Variants in AGBL1 observed in about 807,000 individuals in gnomAD.
AGBL1 encodes the protein cytosolic carboxypeptidase 4.
In AGBL1, 130 loss-of-function variants were observed where a neutral mutation model predicts 118.9. The observed-to-expected ratio is 1.09, with a 90% CI of 0.95 to 1.26. The LOEUF is 1.26. AGBL1 is among the 50% of genes most tolerant of loss of function. AGBL1 has a pLI of 0.00. For synonymous variants in AGBL1, 555 were observed against 478.9 expected (o/e 1.16, Z -2.08); for missense variants, 1,584 against 1,298.1 (o/e 1.22, Z -3.38).
At chr15:86,110,550 G>A (rs549289945) in intron 1 of AGBL1, among the ~76,000 whole-genome samples, 11 of 152,194 alleles carry the variant, frequency 7.2e-5, no homozygotes, top group African/African-American at 2.2e-4. Context: ...CTGTCTCAGG[G>A]GTGGCAGAGG....
At chr15:86,315,457 T>A (rs987795582) in intron 17 of AGBL1, among the ~76,000 whole-genome samples, 1 of 152,064 alleles carries the variant, frequency 6.6e-6, no homozygotes, top group African/African-American at 2.4e-5. Flanking sequence ...TGGCTCACAC[T>A]GGTAATCCCA....
intron 17 of AGBL1, among the ~76,000 whole-genome samples, chr15:86,364,990 C>T (rs866842499): frequency 0.12 from 7,633 of 63,330 alleles, 620 homozygotes; most frequent in Non-Finnish European, 0.17. Context: ...TATATATATA[C>T]ACACACACAT....
At chr15:86,360,987 C>T (rs1210219987) in intron 17 of AGBL1, among the ~76,000 whole-genome samples, 1 of 151,550 alleles carries the variant, frequency 6.6e-6, no homozygotes, top group African/African-American at 2.4e-5. Context: ...TATTTCTGCT[C>T]TAATATTTAT....
intron 24 of AGBL1, among the ~76,000 whole-genome samples, chr15:87,024,267 A>ATAAG (rs1195803612): frequency 2.6e-5 from 4 of 152,152 alleles, no homozygotes; most frequent in African/African-American, 9.6e-5. Context: ...GAAAATCCAA[A>ATAAG]TAAGTTCAAT....
intron 22 of AGBL1, among the ~76,000 whole-genome samples, chr15:86,798,691 A>G (rs1223291020): frequency 6.6e-6 from 1 of 150,500 alleles, no homozygotes; most frequent in Non-Finnish European, 1.5e-5. Flanking sequence ...TCCTGTTAAT[A>G]CTACATACAT....
At chr15:86,604,222 A>G (rs1283897554) in intron 21 of AGBL1, among the ~76,000 whole-genome samples, 1 of 152,204 alleles carries the variant, frequency 6.6e-6, no homozygotes, top group East Asian at 1.9e-4. Flanking sequence ...AAGTTGTAAT[A>G]TGAAATTGTA....
chr15:86,536,212 TA>T (rs2083424112), intron 19 of AGBL1, among the ~76,000 whole-genome samples: 2 of 152,350 alleles, frequency 1.3e-5, no homozygotes, highest in Admixed American at 6.5e-5. Context: ...AGTTTCTTGA[TA>T]AATTTTAGTG....
chr15:86,753,570 G>C (rs572623820), intron 22 of AGBL1, among the ~76,000 whole-genome samples: 3 of 151,856 alleles, frequency 2.0e-5, no homozygotes, highest in Admixed American at 1.3e-4. Flanking sequence ...GCTAATTTTT[G>C]TATTTTTAGT....
chr15:86,905,651 T>C (rs1268884781), intron 22 of AGBL1, among the ~76,000 whole-genome samples: 1 of 152,254 alleles, frequency 6.6e-6, no homozygotes, highest in Admixed American at 6.5e-5. Flanking sequence ...ATTGAGGTAT[T>C]ATTATTGACA....
intron 18 of AGBL1, among the ~76,000 whole-genome samples, chr15:86,411,345 C>G (rs551072816): frequency 6.6e-5 from 10 of 152,214 alleles, no homozygotes; most frequent in African/African-American, 2.4e-4. Flanking sequence ...CTATCAGGAA[C>G]CAGAAGGAAT....
chr15:86,727,303 G>A (rs16977941), intron 22 of AGBL1, among the ~76,000 whole-genome samples: 28,332 of 152,070 alleles, frequency 0.19, 2,993 homozygotes, highest in African/African-American at 0.29. Flanking sequence ...CCAGGAGACT[G>A]GCTAAATGTG....
chr15:86,569,412 G>GA (rs11389548), intron 21 of AGBL1, among the ~76,000 whole-genome samples: 71,296 of 142,714 alleles, frequency 0.5, 18,005 homozygotes, highest in East Asian at 0.76. Context: ...AGAAAACAAG[G>GA]AAAAAAAAAA....
At chr15:86,421,034 CT>C (rs2081781952) in intron 18 of AGBL1, among the ~76,000 whole-genome samples, 1 of 152,206 alleles carries the variant, frequency 6.6e-6, no homozygotes, top group African/African-American at 2.4e-5. Context: ...GGAAAACACT[CT>C]TCAGGATATT....
chr15:86,923,818 G>T (rs1001786385), intron 23 of AGBL1, among the ~76,000 whole-genome samples: 1 of 152,006 alleles, frequency 6.6e-6, no homozygotes, highest in Non-Finnish European at 1.5e-5. Flanking sequence ...ACCTAATTGA[G>T]GATTAACAAA....
chr15:86,632,337 G>A (rs2084986495), intron 21 of AGBL1, among the ~76,000 whole-genome samples: 3 of 151,730 alleles, frequency 2.0e-5, no homozygotes, highest in Admixed American at 2.0e-4. Flanking sequence ...CAGCACTGTG[G>A]GAGACTGAGG....
At chr15:86,221,195 TC>T (rs1002641465) in intron 5 of AGBL1, among the ~76,000 whole-genome samples, 25 of 151,352 alleles carry the variant, frequency 1.7e-4, no homozygotes, top group South Asian at 6.3e-4. Context: ...CAAAACTCCA[TC>T]AAAAAAAAAT....
chr15:86,418,124 T>G (rs1211406147), intron 18 of AGBL1, among the ~76,000 whole-genome samples: 1 of 152,190 alleles, frequency 6.6e-6, no homozygotes, highest in Non-Finnish European at 1.5e-5. Flanking sequence ...TTTCTACTAA[T>G]TTACATGGAA....
chr15:86,781,886 AT>A (rs59836305), intron 22 of AGBL1, among the ~76,000 whole-genome samples: 3,565 of 147,002 alleles, frequency 0.024, 75 homozygotes, highest in Middle Eastern at 0.056. Flanking sequence ...GGTTTTGCCC[AT>A]TTTTTTTTTT....
chr15:86,272,437 G>T (rs920862738), intron 15 of AGBL1, among the ~76,000 whole-genome samples: 1 of 152,142 alleles, frequency 6.6e-6, no homozygotes, highest in Admixed American at 6.5e-5. Flanking sequence ...TTAGTTCAGT[G>T]CTAGTTTCTT....
Sources: gnomAD v4.1 joint callset for allele counts (sites outside exome capture counted in the v4.1 genomes callset) on GRCh38, gnomAD v4.1.1 for gene constraint, MANE v1.5 for transcripts, NCBI Gene and HGNC (gene_info 2026-07-23, HGNC 2026-07-21) for gene names.